The following SND1 variants were observed in gnomAD, a reference collection of about 807,000 sequenced individuals.
The protein encoded by SND1 is staphylococcal nuclease and tudor domain containing 1.
In SND1, 38 loss-of-function variants were observed where a neutral mutation model predicts 121.7. The observed-to-expected ratio is 0.31, with a 90% CI of 0.24 to 0.41. SND1 has a LOEUF of 0.41. SND1 is among the 10% of genes least tolerant of loss of function. The pLI, the probability that SND1 is intolerant of heterozygous loss-of-function variation, is 1.00. For missense variants in SND1, 868 were observed against 1,184.6 expected (o/e 0.73, Z 3.92); for synonymous variants, 401 against 447.4 (o/e 0.90, Z 1.31).
chr7:127,755,316 A>G (rs562850671), intron 10 of SND1, among the ~76,000 whole-genome samples: 21 of 152,334 alleles, frequency 1.4e-4, no homozygotes, highest in African/African-American at 4.8e-4. Context: ...AGTGTGAGGC[A>G]TCTGATTAAA....
At chr7:128,090,128 G>A (rs1793753419) in intron 22 of SND1, among the ~76,000 whole-genome samples, 1 of 152,138 alleles carries the variant, frequency 6.6e-6, no homozygotes, top group Non-Finnish European at 1.5e-5. Flanking sequence ...CAGAAAGACT[G>A]CCACACAACC....
chr7:128,012,385 A>G (rs540798641), intron 16 of SND1, among the ~76,000 whole-genome samples: 10 of 152,280 alleles, frequency 6.6e-5, no homozygotes, highest in South Asian at 2.1e-4. Flanking sequence ...GTCCCATCCT[A>G]TGGACCTCTC....
intron 15 of SND1, among the ~76,000 whole-genome samples, chr7:127,959,648 C>A (rs1381557695): frequency 6.6e-6 from 1 of 152,170 alleles, no homozygotes; most frequent in Admixed American, 6.5e-5. Flanking sequence ...TCTTTAAAAT[C>A]GCAAAACTAC....
intron 10 of SND1, among the ~76,000 whole-genome samples, chr7:127,762,194 T>G (rs1370991607): frequency 1.3e-5 from 2 of 152,206 alleles, no homozygotes; most frequent in Non-Finnish European, 2.9e-5. Context: ...TCCTCAGGGC[T>G]CAGATTGATA....
chr7:127,665,389 G>A (rs370977374), intron 1 of SND1, among the ~76,000 whole-genome samples: 9 of 151,894 alleles, frequency 5.9e-5, no homozygotes, highest in African/African-American at 1.5e-4. Context: ...GGGTTTCACC[G>A]TGTTAGCCAG....
intron 2 of SND1, among the ~76,000 whole-genome samples, chr7:127,691,760 G>A (rs712712): frequency 0.6 from 88,565 of 148,170 alleles, 26,939 homozygotes; most frequent in East Asian, 0.87. Flanking sequence ...TTGCAGGCGT[G>A]CGCCAACATG....
intron 10 of SND1, among the ~76,000 whole-genome samples, chr7:127,753,622 T>C (rs567011042): frequency 6.6e-6 from 1 of 152,280 alleles, no homozygotes; most frequent in South Asian, 2.1e-4. Flanking sequence ...GGACCTTTCA[T>C]TTCTGACAAA....
intron 12 of SND1, among the ~76,000 whole-genome samples, chr7:127,878,329 G>T (rs1177377788): frequency 6.6e-6 from 1 of 152,174 alleles, no homozygotes; most frequent in Non-Finnish European, 1.5e-5. Context: ...TTATTAGAGA[G>T]ATTCATTTAG....
In SND1 at chr7:128,052,793, G is replaced by A. The variant is rs541023909; in HGVS notation, c.1780-21709G>A. Among the ~76,000 whole-genome samples, 4 of 152,236 alleles carry A rather than the reference G, an allele frequency of 2.6e-5. No individual in the cohort carries two copies. Among genetic ancestry groups the A allele is most frequent in the Non-Finnish European group, 4.4e-5 (3 of 68,028 alleles). On this transcript the variant is annotated intron_variant, in intron 16 of 23. Transcript: ENST00000354725. This position sits in a 1 kb window ranked among gnomAD's most constrained non-coding sequence, Gnocchi z 4.6. ...TTTGTGCCCTGAAAATCATTCCCTCGGATTTCAGTGTTACTTCGATGGGTC... is the reference window on the plus strand; with the variant it reads ...TTTGTGCCCTGAAAATCATTCCCTCAGATTTCAGTGTTACTTCGATGGGTC...
At chr7:128,068,618 C>T (rs924328801) in intron 16 of SND1, among the ~76,000 whole-genome samples, 1 of 152,180 alleles carries the variant, frequency 6.6e-6, no homozygotes, top group Admixed American at 6.5e-5. Flanking sequence ...AGAAAGGGGC[C>T]GCAGGAAATG....
intron 11 of SND1, 68 bp from the exon 12 acceptor site, chr7:127,844,256 C>A: frequency 2.5e-6 from 3 of 1,220,504 alleles, no homozygotes; most frequent in Non-Finnish European, 3.6e-6. Flanking sequence ...GTTGAGCAGG[C>A]ACATGTGGCT....
At chr7:128,013,099 A>C (rs1327531246) in intron 16 of SND1, among the ~76,000 whole-genome samples, 3 of 152,114 alleles carry the variant, frequency 2.0e-5, no homozygotes, top group Non-Finnish European at 4.4e-5. Context: ...CCAGTGCTAC[A>C]TCCAGACTCC....
chr7:127,680,875 T>A (rs889955863), intron 1 of SND1, among the ~76,000 whole-genome samples: 1 of 151,844 alleles, frequency 6.6e-6, no homozygotes, highest in African/African-American at 2.4e-5. Context: ...ACAATTTATG[T>A]TTAGAGATTG....
rs182610501 is a variant in SND1 at position 127,696,457 on chromosome 7, G to A, written c.349+1509G>A. 5.5e-4 allele frequency among the ~76,000 whole-genome samples: 83 copies of A among 152,272 alleles called. No individual in the cohort carries two copies. In the South Asian group the frequency reaches 7.0e-3, roughly 13 times the overall value. ...CTTATAATATAGTAAGAAACAAAAC[G>A]CTTAAAGATAATTATTGAGTGGTTA... On this transcript the variant is annotated intron_variant, in intron 3 of 23. Coordinates refer to ENST00000354725, the MANE Select transcript of SND1 (RefSeq NM_014390.4).
At chr7:127,843,201 G>C (rs533673512) in intron 11 of SND1, among the ~76,000 whole-genome samples, 1 of 152,116 alleles carries the variant, frequency 6.6e-6, no homozygotes, top group South Asian at 2.1e-4. Context: ...TTCCACACCA[G>C]AGTGGTATAT....
At chr7:127,918,671 GTAAA>G (rs1284568679) in intron 14 of SND1, among the ~76,000 whole-genome samples, 3 of 152,158 alleles carry the variant, frequency 2.0e-5, no homozygotes, top group Non-Finnish European at 4.4e-5. Context: ...AATGAACGCT[GTAAA>G]TAGTTCTACT....
chr7:128,062,945 G>A (rs144573716), intron 16 of SND1, among the ~76,000 whole-genome samples: 28 of 152,278 alleles, frequency 1.8e-4, no homozygotes, highest in South Asian at 4.1e-4. Context: ...GCTTCCAGCC[G>A]TCTCAGCCCG....
At chr7:127,751,466 C>T (rs1797094870) in intron 10 of SND1, among the ~76,000 whole-genome samples, 1 of 152,292 alleles carries the variant, frequency 6.6e-6, no homozygotes, top group African/African-American at 2.4e-5. Context: ...ATTTAGCAGA[C>T]TCTCTGCTTT....
chr7:127,721,423 G>T (rs552264130), intron 10 of SND1, 23 bp downstream of exon 10: 1 of 1,415,206 alleles, frequency 7.1e-7, no homozygotes, highest in Non-Finnish European at 1.0e-6. Context: ...AAGCAGCCGC[G>T]CCTCTTTGCA....
Sources: allele counts gnomAD v4.1 joint callset (sites outside exome capture counted in the v4.1 genomes callset), GRCh38; gene constraint gnomAD v4.1.1; non-coding constraint Gnocchi (gnomAD v3.1); transcripts MANE v1.5; gene names NCBI Gene and HGNC (gene_info 2026-07-23, HGNC 2026-07-21).